The following APP variants were observed in gnomAD, a reference collection of about 807,000 sequenced individuals.
APP encodes amyloid-beta precursor protein.
APP carries 31 observed loss-of-function variants against 101.4 expected under a neutral mutation model. The observed-to-expected ratio is 0.31, with a 90% CI of 0.23 to 0.41. APP has a LOEUF of 0.41. Among genes scored for constraint, APP ranks in the 10% least tolerant of loss-of-function variants. The pLI, the probability that APP is intolerant of heterozygous loss-of-function variation, is 1.00. For missense variants in APP, 839 were observed against 1,003.7 expected, an observed-to-expected ratio of 0.84 and a Z score of 2.22; for synonymous variants, 366 against 364.4, an observed-to-expected ratio of 1.00 and a Z score of -0.05.
intron 16 of APP, 78 bp downstream of exon 16, chr21:25,897,495 T>C: frequency 2.8e-6 from 3 of 1,082,998 alleles, no homozygotes; most frequent in East Asian, 2.4e-5. Context: ...ATTTGATTTC[T>C]AGCACAGGAT....
At chr21:26,108,369 C>T (rs577874923) in intron 2 of APP, among the ~76,000 whole-genome samples, 136 of 152,216 alleles carry the variant, frequency 8.9e-4, no homozygotes, top group African/African-American at 3.1e-3. Flanking sequence ...CTTTGAGATA[C>T]GGTATCTATC....
At chr21:26,031,598 G>A (rs1002174472) in intron 5 of APP, among the ~76,000 whole-genome samples, 4 of 152,060 alleles carry the variant, frequency 2.6e-5, no homozygotes, top group Non-Finnish European at 5.9e-5. Flanking sequence ...AAATGAGGAA[G>A]AAGCAAAAGC....
chr21:26,074,117 G>A (rs1273199404), intron 3 of APP, among the ~76,000 whole-genome samples: 3 of 152,058 alleles, frequency 2.0e-5, no homozygotes, highest in Non-Finnish European at 1.5e-5. Context: ...CCACGTTCTC[G>A]GAAGGTAGTT....
intron 13 of APP, among the ~76,000 whole-genome samples, chr21:25,916,835 C>A (rs754611699): frequency 6.6e-6 from 1 of 152,086 alleles, no homozygotes; most frequent in Non-Finnish European, 1.5e-5. Context: ...AGCATTTGAA[C>A]CTTGTAGTTA....
At chr21:26,042,023 G>A (rs2045393773) in intron 5 of APP, among the ~76,000 whole-genome samples, 1 of 152,076 alleles carries the variant, frequency 6.6e-6, no homozygotes, top group Admixed American at 6.5e-5. Flanking sequence ...AAAGCCATGA[G>A]CCATTTCATT....
At chr21:25,907,935 C>T (rs567507747) in intron 14 of APP, among the ~76,000 whole-genome samples, 36 of 150,686 alleles carry the variant, frequency 2.4e-4, no homozygotes, top group South Asian at 4.1e-4. Flanking sequence ...TCACATTTTG[C>T]AAATACATCC....
intron 1 of APP, among the ~76,000 whole-genome samples, chr21:26,115,092 A>G (rs1022039717): frequency 6.6e-6 from 1 of 152,230 alleles, no homozygotes; most frequent in African/African-American, 2.4e-5. Flanking sequence ...GAGATTTAAT[A>G]TTAACTTTAA....
chr21:26,152,009 G>A (rs1031087587), intron 1 of APP, among the ~76,000 whole-genome samples: 5 of 152,152 alleles, frequency 3.3e-5, no homozygotes, highest in African/African-American at 4.8e-5. Context: ...GGGCACGGTG[G>A]CTCACGCCTG....
chr21:25,952,561 G>A (rs2829995), intron 13 of APP, among the ~76,000 whole-genome samples: 16,749 of 152,090 alleles, frequency 0.11, 1,855 homozygotes, highest in African/African-American at 0.28. Flanking sequence ...GTTTTCAGTA[G>A]TATAGTGCCA....
At chr21:25,932,108 T>C (rs1391461436) in intron 13 of APP, among the ~76,000 whole-genome samples, 1 of 152,244 alleles carries the variant, frequency 6.6e-6, no homozygotes, top group African/African-American at 2.4e-5. Context: ...CTGGTGTTAT[T>C]GTTAAGAACT....
Position 25,881,399 on chromosome 21 carries a change from G to A in APP, c.*271C>T. ...CAGGAGAGAATCTATTCATGCACTA[G>A]TTTGATACAGCTAAATTCTTTACAG... On this transcript the variant is annotated 3_prime_UTR_variant, in exon 18 of 18. Coordinates refer to ENST00000346798, the MANE Select transcript of APP (RefSeq NM_000484.4). The A allele has an allele frequency of 1.9e-6, 1 of 514,242 alleles. No individual in the cohort carries two copies. The highest frequency in any genetic ancestry group is 2.1e-5 in the South Asian group (1 of 48,470). 31.9% of individuals were successfully genotyped at this position (514,242 alleles called of 1,614,324 possible).
At chr21:26,012,153 C>CTGTGACAA (rs1372217373) in intron 6 of APP, among the ~76,000 whole-genome samples, 4 of 151,888 alleles carry the variant, frequency 2.6e-5, no homozygotes, top group African/African-American at 9.7e-5. Context: ...GACTATAAGC[C>CTGTGACAA]TGTGACACTA....
intron 5 of APP, among the ~76,000 whole-genome samples, chr21:26,039,704 C>T (rs1210431258): frequency 1.3e-5 from 2 of 152,186 alleles, no homozygotes; most frequent in African/African-American, 4.8e-5. Context: ...CTTCAAATGT[C>T]TGACAACACA....
rs2036985753 is a variant in APP at position 25,881,583 on chromosome 21, C to G, written c.*87G>C. On this transcript the variant is annotated 3_prime_UTR_variant, in exon 18 of 18. Coordinates refer to ENST00000346798, the MANE Select transcript of APP (RefSeq NM_000484.4). ...AGTAAATCATAAAACGGGTTTGTTTCTTCCCACATTATTCTATAAATGGAC... is the reference window on the plus strand; with the variant it reads ...AGTAAATCATAAAACGGGTTTGTTTGTTCCCACATTATTCTATAAATGGAC... The G allele has an allele frequency of 6.9e-7, 1 of 1,458,758 alleles. No individual in the cohort carries two copies. Among genetic ancestry groups the G allele is most frequent in the African/African-American group, 1.4e-5 (1 of 71,834 alleles). The allele number at this position is 1,458,758 out of a possible 1,614,324, so 90.4% of individuals were successfully genotyped here.
intron 13 of APP, chr21:25,933,967 A>G (rs1601446024): frequency 6.6e-6 from 1 of 152,324 alleles, no homozygotes; most frequent in East Asian, 1.9e-4. Context: ...TTGAAGTCCT[A>G]ATGCCTACAC....
intron 13 of APP, among the ~76,000 whole-genome samples, chr21:25,915,905 T>C (rs1291794855): frequency 1.3e-5 from 2 of 151,944 alleles, no homozygotes; most frequent in Non-Finnish European, 2.9e-5. Context: ...TTTCAGAAAA[T>C]GTAAGTGAAA....
chr21:25,954,750 CTTTCTTTTTT>C, intron 12 of APP, 61 bp from the exon 13 acceptor site: 1 of 1,434,108 alleles, frequency 7.0e-7, no homozygotes, highest in Non-Finnish European at 9.7e-7. Flanking sequence ...GGTTCTTTTT[CTTTCTTTTTT>C]TCTTTTTTTT....
intron 13 of APP, among the ~76,000 whole-genome samples, chr21:25,915,975 T>G (rs897600632): frequency 1.5e-5 from 2 of 136,084 alleles, no homozygotes; most frequent in South Asian, 2.1e-4. Flanking sequence ...TAGCCTTCGT[T>G]TTTTTTTTTT....
intron 1 of APP, among the ~76,000 whole-genome samples, chr21:26,146,421 T>G (rs2063155926): frequency 6.6e-6 from 1 of 152,260 alleles, no homozygotes; most frequent in Non-Finnish European, 1.5e-5. Flanking sequence ...TGTTTTACTT[T>G]GCATTTCCCT....
Sources: gnomAD v4.1 joint callset for allele counts (sites outside exome capture counted in the v4.1 genomes callset) on GRCh38, gnomAD v4.1.1 for gene constraint, MANE v1.5 for transcripts, NCBI Gene and HGNC (gene_info 2026-07-23, HGNC 2026-07-21) for gene names.